Variants in ABLIM2 observed in about 807,000 individuals in gnomAD.
The protein encoded by ABLIM2 is actin binding LIM protein family member 2.
Under a neutral mutation model 97.7 loss-of-function variants are expected in ABLIM2, and 53 were observed. That is an observed-to-expected ratio of 0.54 (90% CI 0.44 to 0.68). ABLIM2 has a LOEUF of 0.68. ABLIM2 is among the 30% of genes least tolerant of loss of function. The pLI, the probability that ABLIM2 is intolerant of heterozygous loss-of-function variation, is 0.00. For missense variants in ABLIM2, 835 were observed against 867.2 expected (o/e 0.96, Z 0.47); for synonymous variants, 361 against 345.8 (o/e 1.04, Z -0.49).
rs961593318 is a variant in ABLIM2 at position 8,087,468 on chromosome 4, G to C, written c.454+701C>G. ...TGCATACACACCTGGCCTAACTCCT[G>C]GGAGGTGGAGCAGTGAACCCAAGGG... On this transcript the variant is annotated intron_variant, in intron 4 of 20. Transcript: ENST00000447017. The surrounding 1 kb of genome is among the most constrained non-coding windows in gnomAD (Gnocchi z 4.6). Among the ~76,000 whole-genome samples the C allele has an allele frequency of 6.6e-6, 1 of 152,168 alleles. No individual in the cohort carries two copies. The highest frequency in any genetic ancestry group is 1.5e-5 in the Non-Finnish European group (1 of 68,016).
At position 8,007,151 on chromosome 4, in the gene ABLIM2, C is replaced by CATGAGG. The variant is rs912819084; in HGVS notation, c.1618+902_1618+907dup. ...AGTAGGACGGTTTACAGTTTGCAGG[C>CATGAGG]ATGAGGATGAGGATGAGGATGAGAA... On this transcript the variant is annotated intron_variant, in intron 16 of 20. Transcript: ENST00000447017. The CATGAGG allele has an allele frequency of 4.5e-5, 44 of 985,434 alleles. No homozygotes were observed. The Admixed American group carries it at 9.2e-4, about 21-fold the overall frequency. 61.0% of individuals were successfully genotyped at this position (985,434 alleles called of 1,614,324 possible).
chr4:8,041,731 T>C (rs1369431576), intron 9 of ABLIM2, among the ~76,000 whole-genome samples: 1 of 151,682 alleles, frequency 6.6e-6, no homozygotes, highest in East Asian at 1.9e-4. Flanking sequence ...TGAAACCCCG[T>C]CTCTATTAAA....
chr4:7,995,842 C>G (rs115627329), intron 16 of ABLIM2, among the ~76,000 whole-genome samples: 1,758 of 152,270 alleles, frequency 0.012, 26 homozygotes, highest in African/African-American at 0.04. Flanking sequence ...TATTCCTCCC[C>G]CTCCCAGCCC....
chr4:8,158,658 T>C (rs1716227912), intron 1 of ABLIM2, 22 bp downstream of exon 1: 2 of 1,503,186 alleles, frequency 1.3e-6, no homozygotes, highest in South Asian at 2.5e-5. Flanking sequence ...GACCCGTTGG[T>C]CCCTCGGTCC....
chr4:8,078,916 C>T lies in ABLIM2; in HGVS notation c.582-1195G>A, dbSNP rs115794324. On this transcript the variant is annotated intron_variant, in intron 5 of 20. Transcript: ENST00000447017. ...CACTCCAATGCGCCCCTTCCAGCAT[C>T]GCTGAAGTTGCTGTAGTGTTCCAAA... 5.6e-3 allele frequency among the ~76,000 whole-genome samples: 852 copies of T among 152,370 alleles called. 5 individuals are homozygous for T. The highest frequency in any genetic ancestry group is 0.019 in the African/African-American group (784 of 41,594).
intron 12 of ABLIM2, chr4:8,020,619 T>TG (rs1483558023): frequency 4.9e-6 from 2 of 406,812 alleles, no homozygotes; most frequent in East Asian, 9.9e-5. Flanking sequence ...CTCTGCATCC[T>TG]GGCTGGTGTT....
intron 20 of ABLIM2, among the ~76,000 whole-genome samples, chr4:7,978,531 G>A (rs536613980): frequency 5.9e-5 from 9 of 152,326 alleles, no homozygotes; most frequent in Admixed American, 1.3e-4. Flanking sequence ...GCCCCTGGAC[G>A]CTGCTGCTGG....
At chr4:8,154,650 T>C (rs920152307) in intron 1 of ABLIM2, among the ~76,000 whole-genome samples, 12 of 152,232 alleles carry the variant, frequency 7.9e-5, no homozygotes. Context: ...TAATTCTTCA[T>C]GTGGGTAGTA....
intron 15 of ABLIM2, 129 bp downstream of exon 15, chr4:8,008,921 T>G: frequency 1.9e-6 from 2 of 1,046,764 alleles, no homozygotes; most frequent in Non-Finnish European, 2.9e-6. Context: ...CTCCTACCTT[T>G]GGCCTCGCAG....
At chr4:8,013,413 AG>A (rs1266308162) in intron 14 of ABLIM2, among the ~76,000 whole-genome samples, 20 of 152,120 alleles carry the variant, frequency 1.3e-4, no homozygotes, top group Admixed American at 1.2e-3. Context: ...TAGTTGAGAC[AG>A]GGTTTCACCA....
At position 7,966,916 on chromosome 4, in the gene ABLIM2, G is replaced by A. The variant is rs371021606; in HGVS notation, c.*74C>T. 6.7e-5 allele frequency: 59 copies of A among 879,972 alleles called. No homozygotes were observed. Among genetic ancestry groups the A allele is most frequent in the Middle Eastern group, 6.8e-4 (2 of 2,952 alleles). 54.5% of individuals were successfully genotyped at this position (879,972 alleles called of 1,614,324 possible). A position where few individuals can be genotyped will look rare whatever the true frequency, so the allele number is the denominator to read the frequency against. On this transcript the variant is annotated 3_prime_UTR_variant, in exon 21 of 21. Transcript: ENST00000447017. ...GAAGCCAGAGCAAGGTGTGTGGGAGGGGTGTGTGCGGTTCTCGCCAGGGGC... is the reference window on the plus strand; with the variant it reads ...GAAGCCAGAGCAAGGTGTGTGGGAGAGGTGTGTGCGGTTCTCGCCAGGGGC...
chr4:8,003,874 C>T lies in ABLIM2; in HGVS notation c.1618+4185G>A, dbSNP rs1759115236. Among the ~76,000 whole-genome samples the T allele has an allele frequency of 6.6e-6, 1 of 152,078 alleles. No individual in the cohort carries two copies. The highest frequency in any genetic ancestry group is 1.5e-5 in the Non-Finnish European group (1 of 68,008). On this transcript the variant is annotated intron_variant, in intron 16 of 20. Coordinates refer to ENST00000447017, the MANE Select transcript of ABLIM2 (RefSeq NM_001130083.2). This position sits in a 1 kb window ranked among gnomAD's most constrained non-coding sequence, Gnocchi z 4.2. ...GCCACTGTGCCTGGCCCTCTTCTTCCAGTTCTGATGTCTGCATATTCCATA... is the reference window on the plus strand; with the variant it reads ...GCCACTGTGCCTGGCCCTCTTCTTCTAGTTCTGATGTCTGCATATTCCATA...
chr4:8,093,818 T>G (rs2152597904), intron 3 of ABLIM2, among the ~76,000 whole-genome samples: 1 of 152,346 alleles, frequency 6.6e-6, no homozygotes, highest in South Asian at 2.1e-4. Context: ...TTGATTAGGA[T>G]AGATTTGGTA....
chr4:8,073,991 G>A (rs891370540), intron 6 of ABLIM2, among the ~76,000 whole-genome samples: 2 of 148,578 alleles, frequency 1.3e-5, no homozygotes, highest in Admixed American at 6.9e-5. Context: ...GGAGGCTGAA[G>A]CAGGAGAATG....
intron 9 of ABLIM2, among the ~76,000 whole-genome samples, chr4:8,041,840 C>T (rs904303807): frequency 1.3e-5 from 2 of 151,814 alleles, no homozygotes; most frequent in East Asian, 1.9e-4. Flanking sequence ...GGAGGCGCAG[C>T]TTGCAGTGAG....
In ABLIM2 at chr4:8,033,023, C is replaced by A. The variant is rs1399870014; in HGVS notation, c.1047+3126G>T. Among the ~76,000 whole-genome samples the A allele has an allele frequency of 3.9e-5, 6 of 152,206 alleles. No homozygotes were observed. The East Asian group carries it at 1.2e-3, about 29-fold the overall frequency. On this transcript the variant is annotated intron_variant, in intron 10 of 20. Coordinates refer to ENST00000447017, the MANE Select transcript of ABLIM2 (RefSeq NM_001130083.2). This position sits in a 1 kb window ranked among gnomAD's most constrained non-coding sequence, Gnocchi z 4.5. ...AGACACTGGCTCAGGGCACAGGCAGCAACATCCTGAGGGCCCATCACCTCG... is the reference window on the plus strand; with the variant it reads ...AGACACTGGCTCAGGGCACAGGCAGAAACATCCTGAGGGCCCATCACCTCG...
In ABLIM2 at chr4:8,083,994, G is replaced by A. The variant is rs572173864; in HGVS notation, c.455-3192C>T. Among the ~76,000 whole-genome samples the A allele has an allele frequency of 6.6e-5, 10 of 152,224 alleles. No individual in the cohort carries two copies. The highest frequency in any genetic ancestry group is 1.3e-4 in the Admixed American group (2 of 15,298). ...GAGCTCAGGGGGTGCAGGTGCAGGA[G>A]CCAGACCCCCTCTGCAGCACCTCAG... On this transcript the variant is annotated intron_variant, in intron 4 of 20. Coordinates refer to ENST00000447017, the MANE Select transcript of ABLIM2 (RefSeq NM_001130083.2). The surrounding 1 kb of genome is among the most constrained non-coding windows in gnomAD (Gnocchi z 4.6).
chr4:8,029,585 C>CAAAAAAAAAAAA, intron 11 of ABLIM2, 71 bp downstream of exon 11: 3 of 910,274 alleles, frequency 3.3e-6, no homozygotes, highest in East Asian at 4.2e-5. Flanking sequence ...AAAAAAAAAA[C>CAAAAAAAAAAAA]TAAAAAAAAA....
rs116086887 is a variant in ABLIM2 at position 7,985,472 on chromosome 4, C to T, written c.1681-579G>A. 3.4e-3 allele frequency among the ~76,000 whole-genome samples: 513 copies of T among 152,254 alleles called. 3 individuals carry two copies. The highest frequency in any genetic ancestry group is 0.011 in the African/African-American group (476 of 41,562). On this transcript the variant is annotated intron_variant, in intron 17 of 20. Transcript: ENST00000447017. ...TCTGGCACTGTGCACGGTTGTGGAA[C>T]TCCTAGGGTATTCTCAGAGCTACGC...
Sources: allele counts gnomAD v4.1 joint callset (sites outside exome capture counted in the v4.1 genomes callset), GRCh38; gene constraint gnomAD v4.1.1; non-coding constraint Gnocchi (gnomAD v3.1); transcripts MANE v1.5; gene names NCBI Gene and HGNC (gene_info 2026-07-23, HGNC 2026-07-21).